The following LUZP2 variants were observed in gnomAD, a reference collection of about 807,000 sequenced individuals.
LUZP2 encodes leucine zipper protein 2.
LUZP2 carries 52 observed loss-of-function variants against 51.6 expected under a neutral mutation model. The ratio of observed to expected loss-of-function variants is 1.01; its 90% CI spans 0.81 to 1.27. The LOEUF (loss-of-function observed/expected upper bound fraction) is 1.27. LUZP2 is among the 50% of genes most tolerant of loss of function. The probability of loss-of-function intolerance (pLI) is 0.00; values close to 1 mark genes in which losing one functional copy is unlikely to be tolerated. For synonymous variants in LUZP2, 154 were observed against 137.3 expected (o/e 1.12, Z -0.85); for missense variants, 436 against 395.4 (o/e 1.10, Z -0.87).
chr11:24,527,000 A>C (rs1306431090), intron 1 of LUZP2, among the ~76,000 whole-genome samples: 2 of 151,314 alleles, frequency 1.3e-5, no homozygotes, highest in Non-Finnish European at 3.0e-5. Context: ...CCCATTGTTA[A>C]ACTCTGTGAG....
At chr11:24,882,909 G>T in intron 5 of LUZP2, among the ~76,000 whole-genome samples, 2 of 140,596 alleles carry the variant, frequency 1.4e-5, no homozygotes, top group African/African-American at 5.3e-5. Flanking sequence ...GAAAGAGAAA[G>T]AAAGAAGAAA....
chr11:24,821,926 GA>G (rs753183479), intron 5 of LUZP2, among the ~76,000 whole-genome samples: 2 of 150,074 alleles, frequency 1.3e-5, no homozygotes, highest in Non-Finnish European at 3.0e-5. Context: ...TAGAAAAATA[GA>G]ATATGAATTC....
chr11:24,798,100 A>T (rs1276044938), intron 5 of LUZP2, among the ~76,000 whole-genome samples: 1 of 152,174 alleles, frequency 6.6e-6, no homozygotes, highest in Non-Finnish European at 1.5e-5. Context: ...GCTCTGTAAA[A>T]TACACAAATA....
At chr11:24,813,921 G>A (rs1184718398) in intron 5 of LUZP2, among the ~76,000 whole-genome samples, 2 of 152,188 alleles carry the variant, frequency 1.3e-5, no homozygotes, top group African/African-American at 4.8e-5. Flanking sequence ...GAACTTCCCT[G>A]TGCCTCAGTT....
intron 10 of LUZP2, among the ~76,000 whole-genome samples, chr11:25,059,913 T>C (rs1858787796): frequency 6.6e-6 from 1 of 152,166 alleles, no homozygotes; most frequent in Non-Finnish European, 1.5e-5. Context: ...AGAGAAATTT[T>C]GACTGAAGGA....
intron 1 of LUZP2, among the ~76,000 whole-genome samples, chr11:24,535,241 AG>A (rs1293981418): frequency 6.6e-6 from 1 of 151,524 alleles, no homozygotes; most frequent in Non-Finnish European, 1.5e-5. Context: ...TTGACTTATC[AG>A]GGCGGTGATT....
At chr11:24,877,479 A>T (rs376275805) in intron 5 of LUZP2, among the ~76,000 whole-genome samples, 1 of 152,088 alleles carries the variant, frequency 6.6e-6, no homozygotes. Context: ...CATAGTAAGT[A>T]TATATATTTG....
intron 1 of LUZP2, among the ~76,000 whole-genome samples, chr11:24,679,694 G>A (rs949425316): frequency 1.3e-5 from 2 of 152,034 alleles, no homozygotes; most frequent in African/African-American, 4.8e-5. Flanking sequence ...CTACCTTTAA[G>A]AAAATCATGG....
intron 5 of LUZP2, among the ~76,000 whole-genome samples, chr11:24,791,162 T>C (rs965766088): frequency 1.3e-5 from 2 of 152,054 alleles, no homozygotes; most frequent in African/African-American, 4.8e-5. Flanking sequence ...CTTTTTCTCA[T>C]ACCCCACGTT....
chr11:24,741,893 A>G (rs1234807960), intron 4 of LUZP2, among the ~76,000 whole-genome samples: 3 of 138,968 alleles, frequency 2.2e-5, no homozygotes, highest in Non-Finnish European at 4.6e-5. Flanking sequence ...ATATTTATAT[A>G]CATATATATT....
chr11:24,946,905 T>C (rs1026352747), intron 7 of LUZP2, among the ~76,000 whole-genome samples: 1 of 152,020 alleles, frequency 6.6e-6, no homozygotes, highest in Non-Finnish European at 1.5e-5. Context: ...TATATATCTA[T>C]ATATTCATAT....
chr11:24,905,483 A>G (rs1013215789), intron 5 of LUZP2, among the ~76,000 whole-genome samples: 1 of 152,154 alleles, frequency 6.6e-6, no homozygotes, highest in Non-Finnish European at 1.5e-5. Context: ...AGCTGAGATC[A>G]TACCATTGCA....
chr11:24,637,426 A>C (rs1043512982), intron 1 of LUZP2, among the ~76,000 whole-genome samples: 1 of 151,882 alleles, frequency 6.6e-6, no homozygotes, highest in Admixed American at 6.6e-5. Context: ...GCACCCTGAA[A>C]AAGAACAGAA....
At chr11:24,538,381 T>C (rs1851247780) in intron 1 of LUZP2, among the ~76,000 whole-genome samples, 1 of 151,728 alleles carries the variant, frequency 6.6e-6, no homozygotes, top group Non-Finnish European at 1.5e-5. Flanking sequence ...GAAATAAATC[T>C]TCATGACCTT....
At chr11:25,044,235 ATGTGTGTG>A (rs368613234) in intron 9 of LUZP2, among the ~76,000 whole-genome samples, 17 of 107,036 alleles carry the variant, frequency 1.6e-4, no homozygotes, top group East Asian at 4.4e-4. Flanking sequence ...GTGTATGTGT[ATGTGTGTG>A]TGTGTGTGTG....
chr11:24,880,468 C>CTGGT (rs776655552), intron 5 of LUZP2, among the ~76,000 whole-genome samples: 9 of 152,164 alleles, frequency 5.9e-5, no homozygotes, highest in Non-Finnish European at 1.3e-4. Flanking sequence ...AGTTGCTAAA[C>CTGGT]TGGTGTCTTT....
chr11:25,072,156 T>C (rs1859177475), intron 10 of LUZP2, among the ~76,000 whole-genome samples: 1 of 152,126 alleles, frequency 6.6e-6, no homozygotes, highest in Non-Finnish European at 1.5e-5. Context: ...ATATGCCTGA[T>C]CTCAAAGCCT....
chr11:24,713,495 T>A (rs1274636292), intron 1 of LUZP2, among the ~76,000 whole-genome samples: 1 of 151,958 alleles, frequency 6.6e-6, no homozygotes, highest in Non-Finnish European at 1.5e-5. Context: ...GTCCTTCATA[T>A]CTATGGGTCC....
At chr11:24,808,802 T>C (rs1849930186) in intron 5 of LUZP2, among the ~76,000 whole-genome samples, 2 of 152,116 alleles carry the variant, frequency 1.3e-5, no homozygotes, top group Admixed American at 6.6e-5. Flanking sequence ...AGGAAAAATA[T>C]TTTTAGTTTA....
Sources: allele counts gnomAD v4.1 joint callset (sites outside exome capture counted in the v4.1 genomes callset), GRCh38; gene constraint gnomAD v4.1.1; transcripts MANE v1.5; gene names NCBI Gene and HGNC (gene_info 2026-07-23, HGNC 2026-07-21).